SPTSSA: variants seen among roughly 807,000 people sequenced by gnomAD.
SPTSSA encodes small subunit of serine palmitoyltransferase A.
In SPTSSA, 8 loss-of-function variants were observed where a neutral mutation model predicts 9.1. The observed-to-expected ratio is 0.88, with a 90% CI of 0.51 to 1.58. The LOEUF is 1.58. Among genes scored for constraint, SPTSSA ranks in the 40% most tolerant of loss-of-function variants. SPTSSA has a pLI of 0.00. For synonymous variants in SPTSSA, 42 were observed against 37.7 expected, an observed-to-expected ratio of 1.11 and a Z score of -0.41; for missense variants, 100 against 93.8, an observed-to-expected ratio of 1.07 and a Z score of -0.27.
At chr14:34,448,714 C>T (rs1016772614) in intron 1 of SPTSSA, among the ~76,000 whole-genome samples, 2 of 152,216 alleles carry the variant, frequency 1.3e-5, no homozygotes, top group African/African-American at 4.8e-5. Context: ...ATTCCTTCCT[C>T]GCTTTGTTTG....
intron 1 of SPTSSA, among the ~76,000 whole-genome samples, chr14:34,460,182 T>A (rs1878588278): frequency 6.6e-6 from 1 of 152,194 alleles, no homozygotes; most frequent in Non-Finnish European, 1.5e-5. Flanking sequence ...TGGAAAAATA[T>A]AAATACAACA....
intron 1 of SPTSSA, among the ~76,000 whole-genome samples, chr14:34,435,687 T>C (rs1883231739): frequency 7.1e-6 from 1 of 141,708 alleles, no homozygotes; most frequent in Non-Finnish European, 1.5e-5. Flanking sequence ...TGGAGTGTAA[T>C]GGCACGATCT....
At chr14:34,445,796 T>G (rs142648661) in intron 1 of SPTSSA, among the ~76,000 whole-genome samples, 2,893 of 152,342 alleles carry the variant, frequency 0.019, 91 homozygotes, top group African/African-American at 0.066. Flanking sequence ...ATTTCTAAAA[T>G]TCTAATGTCT....
chr14:34,435,171 A>G lies in SPTSSA; in HGVS notation c.*30T>C. ...CAACTTCGTAGGGTGGGTCTTCCCCAAGGAACCTCTGATCCTGGTCGCATC... is the reference window on the plus strand; with the variant it reads ...CAACTTCGTAGGGTGGGTCTTCCCCGAGGAACCTCTGATCCTGGTCGCATC... On this transcript the variant is annotated 3_prime_UTR_variant, in exon 2 of 2. Transcript: ENST00000298130. The G allele has an allele frequency of 6.3e-7, 1 of 1,584,988 alleles. No individual in the cohort carries two copies. Among genetic ancestry groups the G allele is most frequent in the South Asian group, 1.1e-5 (1 of 89,060 alleles).
intron 1 of SPTSSA, among the ~76,000 whole-genome samples, chr14:34,443,136 T>A (rs1475808340): frequency 3.7e-4 from 23 of 61,540 alleles, no homozygotes; most frequent in East Asian, 8.6e-4. Flanking sequence ...CTTCTAGGGG[T>A]GTGTGTGTGT....
At chr14:34,435,623 CTTTTTTTTTTT>C (rs769896697) in intron 1 of SPTSSA, among the ~76,000 whole-genome samples, 3 of 92,470 alleles carry the variant, frequency 3.2e-5, no homozygotes, top group South Asian at 3.8e-4. Flanking sequence ...GTTTGTTTCT[CTTTTTTTTTTT>C]TTTTTTTTTT....
chr14:34,447,085 G>A (rs557022129), intron 1 of SPTSSA, among the ~76,000 whole-genome samples: 2 of 151,786 alleles, frequency 1.3e-5, no homozygotes, highest in South Asian at 2.1e-4. Flanking sequence ...TTAGCCGGCC[G>A]TGGTGGCAGG....
intron 1 of SPTSSA, among the ~76,000 whole-genome samples, chr14:34,443,134 G>GGTGT (rs376742613): frequency 0.011 from 416 of 36,966 alleles, 30 homozygotes; most frequent in South Asian, 0.02. Context: ...TGCTTCTAGG[G>GGTGT]GTGTGTGTGT....
At chr14:34,449,068 T>C (rs1292858624) in intron 1 of SPTSSA, among the ~76,000 whole-genome samples, 1 of 151,950 alleles carries the variant, frequency 6.6e-6, no homozygotes, top group African/African-American at 2.4e-5. Flanking sequence ...AACAAGCACA[T>C]AACAGGACAG....
intron 1 of SPTSSA, among the ~76,000 whole-genome samples, chr14:34,438,452 A>T (rs894709910): frequency 6.6e-6 from 1 of 152,080 alleles, no homozygotes; most frequent in Non-Finnish European, 1.5e-5. Context: ...CAGATTAGGG[A>T]TGTCCATTCT....
intron 1 of SPTSSA, among the ~76,000 whole-genome samples, chr14:34,445,128 C>A (rs1164719271): frequency 2.0e-5 from 3 of 152,044 alleles, no homozygotes; most frequent in African/African-American, 7.2e-5. Flanking sequence ...AACAGTTTTA[C>A]ACGCAAGGTG....
chr14:34,442,122 C>T (rs1159020754), intron 1 of SPTSSA, among the ~76,000 whole-genome samples: 3 of 152,138 alleles, frequency 2.0e-5, no homozygotes, highest in Admixed American at 6.5e-5. Flanking sequence ...GCAATCCCCC[C>T]GCCTCGGCCT....
Position 34,435,241 on chromosome 14 carries a change from T to G in SPTSSA, c.176A>C (p.His59Pro). Residue 59 changes from histidine (H) to proline (P), a missense_variant, in exon 2 of 2, where the codon CAC (histidine) becomes CCC (proline). By Grantham distance (77) the His-to-Pro change is moderately conservative (BLOSUM62 -2). Coordinates refer to ENST00000298130, the MANE Select transcript of SPTSSA (RefSeq NM_138288.4). ...LYTGYVFMPQ[H>P]IMAILHYFEI... ...AAAGTAGTGCAATATCGCCATGATG[T>G]GCTGGGGCATGAAGACGTATCCTGT... 1 of 1,613,970 alleles carries G rather than the reference T, an allele frequency of 6.2e-7. No homozygotes were observed. Among genetic ancestry groups the G allele is most frequent in the Non-Finnish European group, 8.5e-7 (1 of 1,179,884 alleles).
chr14:34,447,227 A>T lies in SPTSSA; in HGVS notation c.113-11923T>A, dbSNP rs995335760. ...TGACAGAGCGAGACTCCATCTCTTA[A>T]AAAAAAAAAAAAAAAAAAAAAAAGA... On this transcript the variant is annotated intron_variant, in intron 1 of 1. Transcript: ENST00000298130. 4.3e-3 allele frequency among the ~76,000 whole-genome samples: 408 copies of T among 95,194 alleles called. 4 individuals are homozygous for T. Among genetic ancestry groups the T allele is most frequent in the African/African-American group, 0.025 (323 of 12,902 alleles). The allele number at this position is 95,194 out of a possible 152,430, so 62.5% of individuals were successfully genotyped here.
chr14:34,448,180 C>T (rs1171984245), intron 1 of SPTSSA, among the ~76,000 whole-genome samples: 2 of 151,488 alleles, frequency 1.3e-5, no homozygotes, highest in African/African-American at 4.8e-5. Flanking sequence ...CGCTTGAACT[C>T]GGGAGGTGGA....
In SPTSSA at chr14:34,435,623, C is replaced by CTTTT. The variant is rs769896697; in HGVS notation, c.113-323_113-320dup. Among the ~76,000 whole-genome samples, 96 of 92,422 alleles carry CTTTT rather than the reference C, an allele frequency of 1.0e-3. 1 individual carries two copies. The highest frequency in any genetic ancestry group is 2.1e-3 in the African/African-American group (46 of 21,784). The allele number at this position is 92,422 out of a possible 152,430, so 60.6% of individuals were successfully genotyped here. On this transcript the variant is annotated intron_variant, in intron 1 of 1. Transcript: ENST00000298130. ...CAAATGTTTTTGTTTGTTTGTTTCT[C>CTTTT]TTTTTTTTTTTTTTTTTTTTTTGAG...
chr14:34,440,567 G>C (rs1182643877), intron 1 of SPTSSA, among the ~76,000 whole-genome samples: 1 of 152,116 alleles, frequency 6.6e-6, no homozygotes, highest in Non-Finnish European at 1.5e-5. Flanking sequence ...AGCCTAACGG[G>C]TTATTCCACT....
intron 1 of SPTSSA, among the ~76,000 whole-genome samples, chr14:34,450,320 T>C (rs1241490684): frequency 6.6e-6 from 1 of 152,240 alleles, no homozygotes; most frequent in East Asian, 1.9e-4. Context: ...AATGAGGTCC[T>C]TTCTTTCATT....
chr14:34,442,453 G>C (rs995783533), intron 1 of SPTSSA, among the ~76,000 whole-genome samples: 3 of 152,218 alleles, frequency 2.0e-5, no homozygotes, highest in African/African-American at 7.2e-5. Context: ...CCTAAGGTCA[G>C]AGACATCTGG....
Sources: gnomAD v4.1 joint callset for allele counts (sites outside exome capture counted in the v4.1 genomes callset) on GRCh38, gnomAD v4.1.1 for gene constraint, MANE v1.5 for transcripts, NCBI Gene and HGNC (gene_info 2026-07-23, HGNC 2026-07-21) for gene names.